Variants in PPFIBP1 observed in about 807,000 individuals in gnomAD.
PPFIBP1 encodes the protein liprin-beta-1.
In PPFIBP1, 112 loss-of-function variants were observed where a neutral mutation model predicts 137.8. The ratio of observed to expected loss-of-function variants is 0.81; its 90% confidence interval spans 0.70 to 0.95. The LOEUF is 0.95. PPFIBP1 is among the 40% of genes least tolerant of loss of function. The pLI is 0.00. For missense variants in PPFIBP1, 1,083 were observed against 1,196.6 expected, an observed-to-expected ratio of 0.91 and a Z score of 1.40; for synonymous variants, 378 against 417.3, an observed-to-expected ratio of 0.91 and a Z score of 1.15.
intron 24 of PPFIBP1, among the ~76,000 whole-genome samples, chr12:27,684,396 A>G (rs904476616): frequency 1.3e-5 from 2 of 152,238 alleles, no homozygotes; most frequent in Non-Finnish European, 1.5e-5. Flanking sequence ...GGCGTGAGCC[A>G]CTGTGCCCGG....
intron 24 of PPFIBP1, among the ~76,000 whole-genome samples, chr12:27,684,454 C>T (rs1193021510): frequency 6.6e-6 from 1 of 152,092 alleles, no homozygotes; most frequent in Non-Finnish European, 1.5e-5. Context: ...AGGCTATAGA[C>T]CTAACTACCC....
intron 2 of PPFIBP1, among the ~76,000 whole-genome samples, chr12:27,605,941 T>A (rs1043879164): frequency 6.6e-6 from 1 of 152,212 alleles, no homozygotes; most frequent in Non-Finnish European, 1.5e-5. Flanking sequence ...AAAGTTAAGA[T>A]CGTACATTAG....
chr12:27,542,999 T>A (rs752297567), intron 1 of PPFIBP1, among the ~76,000 whole-genome samples: 1 of 152,172 alleles, frequency 6.6e-6, no homozygotes, highest in Non-Finnish European at 1.5e-5. Flanking sequence ...TAGAAACTCA[T>A]GAGAAAAGAC....
chr12:27,620,756 G>T (rs967119899), intron 2 of PPFIBP1, among the ~76,000 whole-genome samples: 1 of 152,030 alleles, frequency 6.6e-6, no homozygotes, highest in Non-Finnish European at 1.5e-5. Flanking sequence ...AGGATTAATT[G>T]AATTGATATA....
rs550407779 is a variant in PPFIBP1, at chr12:27,626,064, G to T, written c.-35-7298G>T. Among the ~76,000 whole-genome samples the T allele has an allele frequency of 3.3e-5, 5 of 152,132 alleles. No homozygotes were observed. The East Asian group carries it at 9.7e-4, about 29-fold the overall frequency. ...CTTTTCTGGTTTCGCCACCTCCCCT[G>T]CCCTTGTTTTGCCCTTTCCAAGTGA... On this transcript the variant is annotated intron_variant, in intron 2 of 29. Transcript: ENST00000228425.
intron 1 of PPFIBP1, among the ~76,000 whole-genome samples, chr12:27,535,800 T>C (rs1944933388): frequency 6.6e-6 from 1 of 152,228 alleles, no homozygotes; most frequent in Admixed American, 6.5e-5. Context: ...GTAGAAACAC[T>C]GCACAAAACT....
chr12:27,584,594 G>T (rs1333886735), intron 2 of PPFIBP1, among the ~76,000 whole-genome samples: 2 of 152,182 alleles, frequency 1.3e-5, no homozygotes, highest in African/African-American at 4.8e-5. Context: ...ATTGTGGCCG[G>T]AAACTTTCCC....
At chr12:27,607,803 C>CT (rs942548583) in intron 2 of PPFIBP1, among the ~76,000 whole-genome samples, 41 of 152,114 alleles carry the variant, frequency 2.7e-4, no homozygotes, top group African/African-American at 8.9e-4. Context: ...TTCCTCCCCG[C>CT]TTTTTTTTCC....
intron 9 of PPFIBP1, chr12:27,657,265 T>C (rs1211728364): frequency 1.3e-5 from 2 of 152,870 alleles, no homozygotes; most frequent in African/African-American, 4.8e-5. Context: ...TCCAAACTTT[T>C]TTCATAACAG....
Position 27,676,434 on chromosome 12 carries a change from G to C in PPFIBP1, c.1417G>C (p.Ala473Pro), listed in dbSNP as rs757259418. 3 of 1,534,498 alleles carry C rather than the reference G, an allele frequency of 2.0e-6. No individual in the cohort carries two copies. The highest frequency in any genetic ancestry group is 2.6e-6 in the Non-Finnish European group (3 of 1,141,004). Reference sequence around the variant, plus strand: ...ATTCTTATTTGCCTCTCAGGACAGAGCTCCGGCAGAAAGCAGGCCATTTGG... The same window carrying C: ...ATTCTTATTTGCCTCTCAGGACAGACCTCCGGCAGAAAGCAGGCCATTTGG... ...ETIQKTSEDR[A>P]PAESRPFGTL... Residue 473 changes from alanine (A) to proline (P), a missense_variant, in exon 18 of 30, where the codon GCT becomes CCT. By Grantham distance (27) the Ala-to-Pro change is conservative. Transcript: ENST00000228425.
At chr12:27,691,953 T>C in intron 28 of PPFIBP1, 25 bp downstream of exon 28, 1 of 1,554,958 alleles carries the variant, frequency 6.4e-7, no homozygotes, top group East Asian at 2.3e-5. Flanking sequence ...GTATAACTTT[T>C]TGCGAGTTCT....
chr12:27,635,278 T>G (rs1377654200), intron 4 of PPFIBP1, 163 bp downstream of exon 4: 6 of 704,790 alleles, frequency 8.5e-6, no homozygotes, highest in Non-Finnish European at 1.4e-5. Flanking sequence ...TAAGGATAAC[T>G]TTTTAAAAAG....
intron 1 of PPFIBP1, among the ~76,000 whole-genome samples, chr12:27,574,624 A>G (rs1212159487): frequency 6.6e-6 from 1 of 152,162 alleles, no homozygotes. Context: ...GCAGAGGTAT[A>G]TTTTACTGGA....
intron 4 of PPFIBP1, among the ~76,000 whole-genome samples, chr12:27,641,101 G>A (rs548349800): frequency 3.9e-5 from 6 of 152,122 alleles, no homozygotes; most frequent in South Asian, 2.1e-4. Context: ...TGGTGTGTGC[G>A]TGTATTTGTG....
At chr12:27,541,805 C>T (rs1241692807) in intron 1 of PPFIBP1, among the ~76,000 whole-genome samples, 1 of 152,156 alleles carries the variant, frequency 6.6e-6, no homozygotes, top group African/African-American at 2.4e-5. Flanking sequence ...AGGAAACCAC[C>T]ACTCAATAGA....
At chr12:27,660,132 T>C (rs1229085265) in intron 10 of PPFIBP1, among the ~76,000 whole-genome samples, 1 of 152,094 alleles carries the variant, frequency 6.6e-6, no homozygotes, top group East Asian at 1.9e-4. Flanking sequence ...GCTCAAGCAG[T>C]CCTCCCACCT....
chr12:27,560,662 G>GTATTAT (rs1057233193), intron 1 of PPFIBP1, among the ~76,000 whole-genome samples: 2 of 152,170 alleles, frequency 1.3e-5, no homozygotes, highest in Non-Finnish European at 2.9e-5. Flanking sequence ...TACGAGTTGA[G>GTATTAT]TATTATTATT....
intron 2 of PPFIBP1, among the ~76,000 whole-genome samples, chr12:27,596,109 T>C (rs10842948): frequency 0.81 from 116,996 of 143,876 alleles, 47,343 homozygotes; most frequent in Middle Eastern, 0.92. Context: ...CACACACACA[T>C]ATGCTTACAA....
At chr12:27,559,734 C>G (rs1423818054) in intron 1 of PPFIBP1, among the ~76,000 whole-genome samples, 1 of 152,200 alleles carries the variant, frequency 6.6e-6, no homozygotes, top group Non-Finnish European at 1.5e-5. Context: ...AGTTATACCT[C>G]TTGGCATAAT....
Sources: gnomAD v4.1 joint callset for allele counts (sites outside exome capture counted in the v4.1 genomes callset) on GRCh38, gnomAD v4.1.1 for gene constraint, MANE v1.5 for transcripts, NCBI Gene and HGNC (gene_info 2026-07-23, HGNC 2026-07-21) for gene names.